CNGB3: variants seen among roughly 807,000 people sequenced by gnomAD.
CNGB3 encodes the protein cyclic nucleotide-gated channel beta-3.
A neutral mutation model predicts 92.8 loss-of-function variants in CNGB3; 86 were observed. The ratio of observed to expected loss-of-function variants is 0.93; its 90% confidence interval spans 0.78 to 1.11. The LOEUF (loss-of-function observed/expected upper bound fraction) is 1.11, where lower values mean the gene tolerates loss of function less well. Among genes scored for constraint, CNGB3 ranks in the 50% least tolerant of loss-of-function variants. The pLI is 0.00. For synonymous variants in CNGB3, 333 were observed against 332.7 expected, an observed-to-expected ratio of 1.00 and a Z score of -0.01; for missense variants, 1,026 against 956.8, an observed-to-expected ratio of 1.07 and a Z score of -0.95.
chr8:86,618,072 A>G (rs976193433), intron 13 of CNGB3, among the ~76,000 whole-genome samples: 2 of 152,206 alleles, frequency 1.3e-5, no homozygotes, highest in African/African-American at 2.4e-5. Context: ...TCATAAGGCA[A>G]GTGCAACCTA....
At chr8:86,661,691 G>A in intron 6 of CNGB3, 1 of 1,127,856 alleles carries the variant, frequency 8.9e-7, no homozygotes, top group East Asian at 2.3e-5. Flanking sequence ...TTCTTCTGAA[G>A]TCACTTCTAT....
chr8:86,620,018 GC>G (rs150883716), intron 13 of CNGB3, among the ~76,000 whole-genome samples: 3,631 of 152,200 alleles, frequency 0.024, 143 homozygotes, highest in African/African-American at 0.082. Context: ...ACCGCACTGG[GC>G]CAGCTTGACT....
intron 3 of CNGB3, among the ~76,000 whole-genome samples, chr8:86,701,872 G>A (rs1824564659): frequency 2.0e-5 from 3 of 152,074 alleles, no homozygotes; most frequent in Admixed American, 6.6e-5. Context: ...TATTATTGGG[G>A]ACTTAGAAAA....
In CNGB3 at chr8:86,575,623, A is replaced by G. The variant is rs1821642527; in HGVS notation, c.*181T>C. On this transcript the variant is annotated 3_prime_UTR_variant, in exon 18 of 18. Coordinates refer to ENST00000320005, the MANE Select transcript of CNGB3 (RefSeq NM_019098.5). ...CGGAGAATAGGGATGGCTTTTAATAATCTTCTTATTACCACTGCATGAAAT... is the reference window on the plus strand; with the variant it reads ...CGGAGAATAGGGATGGCTTTTAATAGTCTTCTTATTACCACTGCATGAAAT... 5.6e-6 allele frequency: 3 copies of G among 537,332 alleles called. No homozygotes were observed. Among genetic ancestry groups the G allele is most frequent in the Admixed American group, 7.1e-5 (2 of 28,296 alleles). 33.3% of individuals were successfully genotyped at this position (537,332 alleles called of 1,614,324 possible).
intron 3 of CNGB3, among the ~76,000 whole-genome samples, chr8:86,693,788 A>G (rs1482152813): frequency 1.1e-4 from 16 of 151,516 alleles, no homozygotes; most frequent in African/African-American, 3.9e-4. Flanking sequence ...ACAGGATCCC[A>G]AGGCAGAAGA....
chr8:86,607,710 GA>G (rs1822437957), intron 14 of CNGB3, among the ~76,000 whole-genome samples: 1 of 152,126 alleles, frequency 6.6e-6, no homozygotes, highest in Non-Finnish European at 1.5e-5. Context: ...AGCATCTGAA[GA>G]AAACTCCCAC....
chr8:86,701,466 C>T (rs567154115), intron 3 of CNGB3, among the ~76,000 whole-genome samples: 2 of 152,222 alleles, frequency 1.3e-5, no homozygotes, highest in East Asian at 1.9e-4. Context: ...TCTCATAAAT[C>T]TTCTAATTCA....
intron 2 of CNGB3, among the ~76,000 whole-genome samples, chr8:86,728,200 T>G (rs1043316443): frequency 6.6e-6 from 1 of 152,156 alleles, no homozygotes; most frequent in African/African-American, 2.4e-5. Flanking sequence ...CCAATTTCCT[T>G]GGGATACAAA....
chr8:86,654,271 A>C (rs994831349), intron 6 of CNGB3, among the ~76,000 whole-genome samples: 1 of 152,124 alleles, frequency 6.6e-6, no homozygotes, highest in Non-Finnish European at 1.5e-5. Flanking sequence ...CAAGCTTCTC[A>C]AGAGAGTTGC....
chr8:86,630,006 T>C (rs995534603), intron 11 of CNGB3, among the ~76,000 whole-genome samples: 15 of 152,332 alleles, frequency 9.8e-5, no homozygotes, highest in Admixed American at 9.2e-4. Flanking sequence ...TTTCTGCTTA[T>C]GGAAAAACGA....
chr8:86,640,275 G>A (rs188015661), intron 10 of CNGB3, among the ~76,000 whole-genome samples: 17 of 152,114 alleles, frequency 1.1e-4, no homozygotes, highest in African/African-American at 3.9e-4. Flanking sequence ...TATCTTGATG[G>A]TAGTAAATAA....
At chr8:86,629,520 A>G (rs769904548) in intron 11 of CNGB3, among the ~76,000 whole-genome samples, 1 of 152,238 alleles carries the variant, frequency 6.6e-6, no homozygotes, top group African/African-American at 2.4e-5. Flanking sequence ...ATTGTCTGGC[A>G]GAATGGCTAG....
chr8:86,603,494 G>T (rs919120230), intron 15 of CNGB3, among the ~76,000 whole-genome samples: 6 of 152,086 alleles, frequency 3.9e-5, no homozygotes, highest in Non-Finnish European at 8.8e-5. Context: ...AAGAAGCAAT[G>T]GTAAAAATAA....
intron 15 of CNGB3, among the ~76,000 whole-genome samples, chr8:86,579,598 G>A (rs565718814): frequency 3.3e-5 from 5 of 152,096 alleles, no homozygotes; most frequent in Non-Finnish European, 7.4e-5. Context: ...CTCTCCCCAT[G>A]CTCCTTTGTT....
intron 11 of CNGB3, among the ~76,000 whole-genome samples, chr8:86,629,851 T>C (rs1004130076): frequency 1.3e-5 from 2 of 152,152 alleles, no homozygotes; most frequent in African/African-American, 4.8e-5. Flanking sequence ...AAAAAAGATA[T>C]ATAGCTCGAC....
chr8:86,632,654 C>T, intron 11 of CNGB3, 98 bp downstream of exon 11: 1 of 1,279,704 alleles, frequency 7.8e-7, no homozygotes, highest in Non-Finnish European at 1.1e-6. Flanking sequence ...AAAAGAAGAA[C>T]CAGACAGATT....
chr8:86,648,750 A>G (rs919596311), intron 7 of CNGB3, among the ~76,000 whole-genome samples: 1 of 151,176 alleles, frequency 6.6e-6, no homozygotes, highest in African/African-American at 2.4e-5. Context: ...AGCAGTTAAG[A>G]ACATATTGTA....
rs553486145 is a variant in CNGB3, at chr8:86,683,648, A to G, written c.339-12550T>C. On this transcript the variant is annotated intron_variant, in intron 3 of 17. Transcript: ENST00000320005. The stretch of plus-strand genomic sequence containing the variant: ...TGCCCTAAGTCTTGATTGGTTATCT[A>G]CTGCTAGGGACAGACCTGCAGGATA... Among the ~76,000 whole-genome samples the G allele has an allele frequency of 1.2e-4, 19 of 152,228 alleles. No individual in the cohort carries two copies. The South Asian group carries it at 3.9e-3, about 32-fold the overall frequency.
In CNGB3 at chr8:86,685,905, G is replaced by A. The variant is rs371153495; in HGVS notation, c.339-14807C>T. Among the ~76,000 whole-genome samples, 7 of 152,204 alleles carry A rather than the reference G, an allele frequency of 4.6e-5. No homozygotes were observed. In the South Asian group the frequency reaches 1.0e-3, roughly 23 times the overall value. ...ATATAGTTATTAGGGTTTTATGTTA[G>A]CAGTATGTGCCAGAAGGTGAATTTT... On this transcript the variant is annotated intron_variant, in intron 3 of 17. Coordinates refer to ENST00000320005, the MANE Select transcript of CNGB3 (RefSeq NM_019098.5).
Sources: gnomAD v4.1 joint callset for allele counts (sites outside exome capture counted in the v4.1 genomes callset) on GRCh38, gnomAD v4.1.1 for gene constraint, MANE v1.5 for transcripts, NCBI Gene and HGNC (gene_info 2026-07-23, HGNC 2026-07-21) for gene names.